The following UBE2R2 variants were observed in gnomAD, a reference collection of about 807,000 sequenced individuals.
UBE2R2 encodes the protein ubiquitin-conjugating enzyme E2 R2.
Under a neutral mutation model 27.8 loss-of-function variants are expected in UBE2R2, and 1 was observed. The ratio of observed to expected loss-of-function variants is 0.04; its 90% CI spans 0.01 to 0.17. The LOEUF is 0.17. Ranked by LOEUF, UBE2R2 falls within the 10% of genes least tolerant of loss-of-function variation. The pLI is 1.00. For synonymous variants in UBE2R2, 106 were observed against 113.3 expected, an observed-to-expected ratio of 0.94 and a Z score of 0.41; for missense variants, 100 against 291.0, an observed-to-expected ratio of 0.34 and a Z score of 4.78.
intron 1 of UBE2R2, among the ~76,000 whole-genome samples, chr9:33,835,487 C>T (rs1245323991): frequency 1.3e-5 from 2 of 152,034 alleles, no homozygotes; most frequent in African/African-American, 4.8e-5. Context: ...ATATGCTGTA[C>T]TTCATTTCTA....
At chr9:33,885,784 G>A (rs1449528063) in intron 1 of UBE2R2, among the ~76,000 whole-genome samples, 1 of 152,146 alleles carries the variant, frequency 6.6e-6, no homozygotes, top group Non-Finnish European at 1.5e-5. Context: ...TGAAAATGAT[G>A]CTTATAATTT....
intron 2 of UBE2R2, among the ~76,000 whole-genome samples, chr9:33,892,031 C>T (rs1821997823): frequency 6.6e-6 from 1 of 152,018 alleles, no homozygotes. Context: ...TTCATCATTA[C>T]CATATTTGTG....
intron 1 of UBE2R2, among the ~76,000 whole-genome samples, chr9:33,861,553 C>T (rs941147173): frequency 6.6e-6 from 1 of 151,648 alleles, no homozygotes; most frequent in African/African-American, 2.4e-5. Flanking sequence ...GATCATGCCA[C>T]TGCACTCTAG....
chr9:33,916,110 A>G (rs1464123967), intron 4 of UBE2R2, among the ~76,000 whole-genome samples: 1 of 152,184 alleles, frequency 6.6e-6, no homozygotes, highest in African/African-American at 2.4e-5. Flanking sequence ...TGGGAAGCCG[A>G]GGTGGGCAGA....
intron 1 of UBE2R2, among the ~76,000 whole-genome samples, chr9:33,824,680 G>C (rs1376311407): frequency 6.6e-6 from 1 of 151,358 alleles, no homozygotes; most frequent in Non-Finnish European, 1.5e-5. Flanking sequence ...GTCCGCACCT[G>C]CAGTCCCAGC....
chr9:33,889,239 C>T (rs539977839), intron 2 of UBE2R2, among the ~76,000 whole-genome samples: 1 of 152,292 alleles, frequency 6.6e-6, no homozygotes, highest in East Asian at 1.9e-4. Flanking sequence ...ATTTATTGCT[C>T]ACAATTCTGG....
Position 33,817,731 on chromosome 9 carries a change from G to T in UBE2R2, c.-27G>T, listed in dbSNP as rs765439083. 789 of 1,494,346 alleles carry T rather than the reference G, an allele frequency of 5.3e-4. 4 individuals are homozygous for T. The highest frequency in any genetic ancestry group is 1.4e-3 in the Admixed American group (63 of 44,578). The allele number at this position is 1,494,346 out of a possible 1,614,324, so 92.6% of individuals were successfully genotyped here. A position where few individuals can be genotyped will look rare whatever the true frequency, so the allele number is the denominator to read the frequency against. Reference sequence around the variant, plus strand: ...TGCGTGAGGACTGGGGCCCGGGCCCGGCGCCGCCGCCGCCGCCGCCGCCGC... The same window carrying T: ...TGCGTGAGGACTGGGGCCCGGGCCCTGCGCCGCCGCCGCCGCCGCCGCCGC... On this transcript the variant is annotated 5_prime_UTR_variant, in exon 1 of 5. Transcript: ENST00000263228.
intron 1 of UBE2R2, among the ~76,000 whole-genome samples, chr9:33,840,338 A>G (rs1301710005): frequency 6.6e-6 from 1 of 152,120 alleles, no homozygotes; most frequent in Non-Finnish European, 1.5e-5. Flanking sequence ...TTATAGTTTT[A>G]TCACCGTGTA....
chr9:33,886,437 A>C (rs1311379362), intron 1 of UBE2R2, among the ~76,000 whole-genome samples: 2 of 152,124 alleles, frequency 1.3e-5, no homozygotes, highest in Admixed American at 1.3e-4. Flanking sequence ...CAGGTGGATC[A>C]CAAGGTCAAG....
At chr9:33,867,837 T>G (rs1821397856) in intron 1 of UBE2R2, among the ~76,000 whole-genome samples, 1 of 152,128 alleles carries the variant, frequency 6.6e-6, no homozygotes, top group African/African-American at 2.4e-5. Flanking sequence ...GAGAATTGCT[T>G]GAACCTGGGA....
At chr9:33,876,045 T>C (rs1291834071) in intron 1 of UBE2R2, among the ~76,000 whole-genome samples, 5 of 152,204 alleles carry the variant, frequency 3.3e-5, no homozygotes, top group African/African-American at 1.2e-4. Flanking sequence ...GGTCACCATA[T>C]ACATGTGAAA....
intron 1 of UBE2R2, among the ~76,000 whole-genome samples, chr9:33,836,199 A>G (rs1408560572): frequency 1.3e-5 from 2 of 152,014 alleles, no homozygotes; most frequent in Admixed American, 1.3e-4. Context: ...CCAGCTACTC[A>G]CCTACAATAT....
intron 1 of UBE2R2, among the ~76,000 whole-genome samples, chr9:33,843,887 A>G (rs1820784532): frequency 6.6e-6 from 1 of 152,214 alleles, no homozygotes; most frequent in Non-Finnish European, 1.5e-5. Context: ...TTACCACTGC[A>G]TAAGTTTTGT....
chr9:33,846,265 T>C (rs1820844872), intron 1 of UBE2R2, among the ~76,000 whole-genome samples: 2 of 152,136 alleles, frequency 1.3e-5, no homozygotes, highest in South Asian at 4.1e-4. Flanking sequence ...CACTGCACTC[T>C]AGCCTAGGTA....
intron 1 of UBE2R2, among the ~76,000 whole-genome samples, chr9:33,877,667 T>G (rs929211166): frequency 6.6e-6 from 1 of 152,140 alleles, no homozygotes; most frequent in African/African-American, 2.4e-5. Context: ...ATCAAGGTCT[T>G]AAGGTTGGTA....
intron 1 of UBE2R2, among the ~76,000 whole-genome samples, chr9:33,869,574 C>G (rs1174486087): frequency 1.3e-5 from 2 of 151,536 alleles, no homozygotes; most frequent in Admixed American, 6.6e-5. Flanking sequence ...TTCAGCCTCC[C>G]TAGTAGCTGG....
At chr9:33,829,864 C>T (rs1217443704) in intron 1 of UBE2R2, among the ~76,000 whole-genome samples, 4 of 143,222 alleles carry the variant, frequency 2.8e-5, no homozygotes, top group Non-Finnish European at 4.5e-5. Context: ...GGCACAATCT[C>T]GGCTCACCGC....
chr9:33,829,792 C>CTTTTTTTTTTTTT (rs1563981311), intron 1 of UBE2R2, among the ~76,000 whole-genome samples: 1 of 119,334 alleles, frequency 8.4e-6, no homozygotes, highest in Non-Finnish European at 1.7e-5. Context: ...TTAGTGCAAT[C>CTTTTTTTTTTTTT]GTTTTTTTTT....
chr9:33,886,907 C>T lies in UBE2R2; in HGVS notation c.204C>T (p.Tyr68=), dbSNP rs201351434. 14 of 1,600,570 alleles carry T rather than the reference C, an allele frequency of 8.7e-6. No homozygotes were observed. The East Asian group carries it at 2.7e-4, about 31-fold the overall frequency. ...FKAHIKFPID[Y]PYSPPTFRFL... is the part of the protein sequence containing the mutation. ...CGCATATTAAATTTCCTATTGACTA[C>T]CCCTATTCACCACCTACCTTCAGAT... is the stretch of plus-strand genomic sequence containing the variant. Residue 68 remains tyrosine (Y), a synonymous_variant, in exon 2 of 5, where the codon TAC becomes TAT. Coordinates refer to ENST00000263228, the MANE Select transcript of UBE2R2 (RefSeq NM_017811.4).
Sources: allele counts gnomAD v4.1 joint callset (sites outside exome capture counted in the v4.1 genomes callset), GRCh38; gene constraint gnomAD v4.1.1; transcripts MANE v1.5; gene names NCBI Gene and HGNC (gene_info 2026-07-23, HGNC 2026-07-21).